TRDN: variants seen among roughly 807,000 people sequenced by gnomAD.
TRDN encodes triadin in skeletal muscle.
In TRDN, 161 loss-of-function variants were observed where a neutral mutation model predicts 149.7. That is an observed-to-expected ratio of 1.08 (90% CI 0.95 to 1.23). The LOEUF (loss-of-function observed/expected upper bound fraction) is 1.23. Ranked by LOEUF, TRDN falls within the 50% of genes most tolerant of loss-of-function variation. TRDN has a pLI of 0.00. For missense variants in TRDN, 896 were observed against 823.5 expected, an observed-to-expected ratio of 1.09 and a Z score of -1.08; for synonymous variants, 294 against 250.5, an observed-to-expected ratio of 1.17 and a Z score of -1.64.
chr6:123,288,919 G>A (rs1777895624), intron 24 of TRDN, among the ~76,000 whole-genome samples: 1 of 151,704 alleles, frequency 6.6e-6, no homozygotes, highest in Non-Finnish European at 1.5e-5. Context: ...CAGGATGTCA[G>A]AGAGATATTT....
At chr6:123,610,566 T>C (rs1270488165) in intron 1 of TRDN, among the ~76,000 whole-genome samples, 1 of 152,200 alleles carries the variant, frequency 6.6e-6, no homozygotes, top group East Asian at 1.9e-4. Flanking sequence ...CAGAGATATC[T>C]ATTAAATAAT....
intron 38 of TRDN, among the ~76,000 whole-genome samples, chr6:123,237,174 AT>A (rs5879668): frequency 0.82 from 125,380 of 152,044 alleles, 52,313 homozygotes; most frequent in African/African-American, 0.93. Context: ...ACACGAACTA[AT>A]TTTTTTTAAA....
rs181327991 is a variant in TRDN at position 123,626,293 on chromosome 6, C to A, written c.22+10461G>T. Reference sequence around the variant, plus strand: ...GACCAGGAGTTCAAGACCACCTTGGCCAACATGGTGAAACCCCGTCTCTAC... The same window carrying A: ...GACCAGGAGTTCAAGACCACCTTGGACAACATGGTGAAACCCCGTCTCTAC... On this transcript the variant is annotated intron_variant, in intron 1 of 40. Coordinates refer to ENST00000334268, the MANE Select transcript of TRDN (RefSeq NM_006073.4). Among the ~76,000 whole-genome samples, 202 of 152,122 alleles carry A rather than the reference C, an allele frequency of 1.3e-3. 1 individual carries two copies. The highest frequency in any genetic ancestry group is 1.7e-3 in the Non-Finnish European group (114 of 67,982).
intron 1 of TRDN, among the ~76,000 whole-genome samples, chr6:123,585,536 C>T (rs899172412): frequency 1.3e-4 from 20 of 152,190 alleles, no homozygotes; most frequent in African/African-American, 2.6e-4. Context: ...GCTTCCGAGG[C>T]GATTGGGCAG....
chr6:123,285,621 G>A (rs1040751606), intron 24 of TRDN, among the ~76,000 whole-genome samples: 4 of 152,030 alleles, frequency 2.6e-5, no homozygotes, highest in African/African-American at 9.7e-5. Flanking sequence ...CTAGACATTG[G>A]CTTAGGAAAA....
chr6:123,401,827 A>G lies in TRDN; in HGVS notation c.1052-8150T>C, dbSNP rs958854608. On this transcript the variant is annotated intron_variant, in intron 12 of 40. Coordinates refer to ENST00000334268, the MANE Select transcript of TRDN (RefSeq NM_006073.4). ...CTGGGTGTGGGGGTGCTCACCTGTA[A>G]TTCCAGCTACTAGGAAGGCTGAGGC... Among the ~76,000 whole-genome samples, 21 of 151,938 alleles carry G rather than the reference A, an allele frequency of 1.4e-4. 1 individual carries two copies. The highest frequency in any genetic ancestry group is 1.2e-3 in the Admixed American group (18 of 15,232).
intron 22 of TRDN, among the ~76,000 whole-genome samples, chr6:123,332,751 T>C (rs555332802): frequency 2.6e-5 from 4 of 152,104 alleles, no homozygotes; most frequent in Non-Finnish European, 5.9e-5. Flanking sequence ...CCCCTTTTTC[T>C]ATTCCCACCA....
chr6:123,319,785 G>A (rs541730989), intron 23 of TRDN, among the ~76,000 whole-genome samples: 1 of 152,108 alleles, frequency 6.6e-6, no homozygotes, highest in African/African-American at 2.4e-5. Flanking sequence ...AGTTGTTGAG[G>A]CAGGCAGCCT....
chr6:123,222,020 C>T (rs1562216604), intron 39 of TRDN, among the ~76,000 whole-genome samples: 1 of 151,724 alleles, frequency 6.6e-6, no homozygotes, highest in African/African-American at 2.4e-5. Flanking sequence ...GATTCACTGA[C>T]TATTTATTTA....
At chr6:123,605,869 C>A (rs2114664118) in intron 1 of TRDN, among the ~76,000 whole-genome samples, 1 of 151,990 alleles carries the variant, frequency 6.6e-6, no homozygotes, top group South Asian at 2.1e-4. Context: ...CCTATTAAGC[C>A]TCCTATTTTG....
intron 9 of TRDN, among the ~76,000 whole-genome samples, chr6:123,477,057 A>C (rs1415230112): frequency 3.7e-5 from 4 of 109,102 alleles, no homozygotes; most frequent in Admixed American, 1.9e-4. Flanking sequence ...AAAATTGACA[A>C]ATGGGATCTA....
At chr6:123,465,126 AG>A in intron 9 of TRDN, 143 bp from the exon 10 acceptor site, 1 of 932,616 alleles carries the variant, frequency 1.1e-6, no homozygotes. Flanking sequence ...CAAAAAAGAA[AG>A]CTATTATTAA....
At chr6:123,596,558 G>C (rs1784046660) in intron 1 of TRDN, among the ~76,000 whole-genome samples, 1 of 152,122 alleles carries the variant, frequency 6.6e-6, no homozygotes, top group Non-Finnish European at 1.5e-5. Flanking sequence ...CTCCTAGAGA[G>C]AAGTCAATGC....
chr6:123,468,575 T>C (rs1776969230), intron 9 of TRDN, among the ~76,000 whole-genome samples: 1 of 152,168 alleles, frequency 6.6e-6, no homozygotes, highest in South Asian at 2.1e-4. Context: ...TTTACTTTCC[T>C]AGAAATGATG....
chr6:123,343,111 A>G (rs1014306643), intron 21 of TRDN, among the ~76,000 whole-genome samples: 6 of 152,090 alleles, frequency 3.9e-5, no homozygotes, highest in Admixed American at 1.3e-4. Context: ...AATATCTGAT[A>G]GTCTTCCTGG....
intron 15 of TRDN, 57 bp from the exon 16 acceptor site, chr6:123,381,447 A>T: frequency 6.8e-7 from 1 of 1,472,180 alleles, no homozygotes; most frequent in Non-Finnish European, 9.3e-7. Context: ...AAAACGTACT[A>T]CCCTACATAT....
chr6:123,566,345 C>G (rs1382089670), intron 2 of TRDN, among the ~76,000 whole-genome samples: 2 of 152,104 alleles, frequency 1.3e-5, no homozygotes, highest in Non-Finnish European at 2.9e-5. Context: ...ATAACGAACC[C>G]AAATCATCTA....
chr6:123,219,640 T>C (rs1193807009), intron 40 of TRDN, among the ~76,000 whole-genome samples: 1 of 151,868 alleles, frequency 6.6e-6, no homozygotes, highest in Non-Finnish European at 1.5e-5. Context: ...GTATTCTGAT[T>C]CCATTTCCAT....
intron 10 of TRDN, among the ~76,000 whole-genome samples, chr6:123,449,566 A>T (rs1775636787): frequency 6.6e-6 from 1 of 152,144 alleles, no homozygotes; most frequent in Admixed American, 6.5e-5. Context: ...GAAGTCTGGG[A>T]TTATGTTAAA....
Sources: gnomAD v4.1 joint callset for allele counts (sites outside exome capture counted in the v4.1 genomes callset) on GRCh38, gnomAD v4.1.1 for gene constraint, MANE v1.5 for transcripts, NCBI Gene and HGNC (gene_info 2026-07-23, HGNC 2026-07-21) for gene names.